Variants in NDUFV2 observed in about 807,000 individuals in gnomAD.
The protein encoded by NDUFV2 is NADH:ubiquinone oxidoreductase core subunit V2.
NDUFV2 carries 18 observed loss-of-function variants against 31.6 expected under a neutral mutation model. That is an observed-to-expected ratio of 0.57 (90% CI 0.39 to 0.84). NDUFV2 has a LOEUF of 0.84. Ranked by LOEUF, NDUFV2 falls within the 40% of genes least tolerant of loss-of-function variation. The probability of loss-of-function intolerance (pLI) is 0.00; values close to 1 mark genes in which losing one functional copy is unlikely to be tolerated. For synonymous variants in NDUFV2, 83 were observed against 99.8 expected (o/e 0.83, Z 1.01); for missense variants, 314 against 303.6 (o/e 1.03, Z -0.26).
intron 1 of NDUFV2, among the ~76,000 whole-genome samples, chr18:9,116,503 C>G (rs1369951989): frequency 6.6e-6 from 1 of 152,112 alleles, no homozygotes; most frequent in African/African-American, 2.4e-5. Flanking sequence ...GTTAATTTTT[C>G]AAAACAAAAC....
intron 1 of NDUFV2, among the ~76,000 whole-genome samples, chr18:9,105,572 G>A (rs539816982): frequency 1.2e-4 from 18 of 152,296 alleles, no homozygotes; most frequent in African/African-American, 4.1e-4. Context: ...AGCTGCTATT[G>A]TAGTTTCGAA....
At chr18:9,128,032 C>T (rs2143083196) in intron 7 of NDUFV2, among the ~76,000 whole-genome samples, 1 of 152,194 alleles carries the variant, frequency 6.6e-6, no homozygotes, top group Non-Finnish European at 1.5e-5. Context: ...TTAAACAAAC[C>T]CTTATTCCAT....
Position 9,126,809 on chromosome 18 carries a change from CTA to C in NDUFV2, c.580-20_580-19del, listed in dbSNP as rs2077994707. Reference sequence around the variant, plus strand: ...ATAAAAGAAAGTAATTTAAATATGACTATTGTTAATTTTTTTTCCAGGAGGAT... The same window carrying C: ...ATAAAAGAAAGTAATTTAAATATGACTTGTTAATTTTTTTTCCAGGAGGAT... On this transcript the variant is annotated intron_variant, in intron 6 of 7. Transcript: ENST00000318388. The C allele has an allele frequency of 3.8e-6, 6 of 1,568,402 alleles. No homozygotes were observed. Among genetic ancestry groups the C allele is most frequent in the Non-Finnish European group, 5.3e-6 (6 of 1,138,710 alleles).
At chr18:9,121,329 G>T (rs1238264361) in intron 4 of NDUFV2, 6 of 152,042 alleles carry the variant, frequency 3.9e-5, no homozygotes, top group Admixed American at 2.0e-4. Flanking sequence ...CAGAATTCCA[G>T]GAAGGAGTCT....
chr18:9,121,215 A>T (rs946876413), intron 4 of NDUFV2: 3 of 152,180 alleles, frequency 2.0e-5, no homozygotes, highest in Non-Finnish European at 4.4e-5. Flanking sequence ...TTTTAATGTT[A>T]CTGCCCCTCC....
intron 1 of NDUFV2, among the ~76,000 whole-genome samples, chr18:9,116,587 T>C (rs1305199124): frequency 2.0e-5 from 3 of 152,228 alleles, no homozygotes; most frequent in East Asian, 1.9e-4. Flanking sequence ...GAAATTGATA[T>C]TTATCACTCC....
At chr18:9,102,866 T>C in intron 1 of NDUFV2, 69 bp downstream of exon 1, 1 of 1,497,312 alleles carries the variant, frequency 6.7e-7, no homozygotes, top group Non-Finnish European at 9.0e-7. Flanking sequence ...TCCCTTAGTT[T>C]TGGGCGCAGG....
At chr18:9,129,449 T>A (rs942246490) in intron 7 of NDUFV2, among the ~76,000 whole-genome samples, 2 of 152,224 alleles carry the variant, frequency 1.3e-5, no homozygotes, top group Admixed American at 6.5e-5. Flanking sequence ...AGGTTATGAA[T>A]ACAATTATGA....
intron 4 of NDUFV2, among the ~76,000 whole-genome samples, chr18:9,122,135 A>T (rs984538101): frequency 6.6e-6 from 1 of 152,176 alleles, no homozygotes; most frequent in Non-Finnish European, 1.5e-5. Context: ...GGGTTTGGCC[A>T]TCAATTTTTT....
Position 9,103,269 on chromosome 18 carries a change from A to G in NDUFV2, c.54+472A>G, listed in dbSNP as rs55672869. On this transcript the variant is annotated intron_variant, in intron 1 of 7. Transcript: ENST00000318388. Reference sequence around the variant, plus strand: ...CATTAGGGCTGGAAAAGGGTGGCCAATGTTTGATTTACTGCAGTTGTGCTT... The same window carrying G: ...CATTAGGGCTGGAAAAGGGTGGCCAGTGTTTGATTTACTGCAGTTGTGCTT... 713 of 397,438 alleles carry G rather than the reference A, an allele frequency of 1.8e-3. 1 individual carries two copies. The highest frequency in any genetic ancestry group is 3.2e-3 in the Middle Eastern group (5 of 1,586). The allele number at this position is 397,438 out of a possible 1,614,324, so 24.6% of individuals were successfully genotyped here. A position where few individuals can be genotyped will look rare whatever the true frequency, so the allele number is the denominator to read the frequency against.
intron 1 of NDUFV2, among the ~76,000 whole-genome samples, chr18:9,106,505 T>C (rs549161334): frequency 1.1e-4 from 16 of 152,352 alleles, no homozygotes; most frequent in African/African-American, 3.8e-4. Context: ...TTCCAAATTT[T>C]AAGTTTTGTA....
intron 6 of NDUFV2, 157 bp downstream of exon 6, chr18:9,125,140 T>C: frequency 1.2e-6 from 1 of 809,322 alleles, no homozygotes; most frequent in Non-Finnish European, 1.9e-6. Flanking sequence ...TCTTTAAACA[T>C]TTTTGCATTT....
intron 7 of NDUFV2, among the ~76,000 whole-genome samples, chr18:9,130,107 C>T (rs911382802): frequency 9.9e-5 from 15 of 152,078 alleles, no homozygotes; most frequent in African/African-American, 2.7e-4. Context: ...TAGGTAGATA[C>T]GAACCTGGAA....
At position 9,122,592 on chromosome 18, in the gene NDUFV2, T is replaced by C. The variant is rs755479137; in HGVS notation, c.380T>C (p.Val127Ala). The change falls in exon 5 of 8, where the codon GTT becomes GCT. Residue 127 changes from valine to alanine, a missense_variant. Physicochemically the swap from Val to Ala is moderately conservative, Grantham distance 64 (BLOSUM62 0). Transcript: ENST00000318388. Reference sequence around the variant, plus strand: ...TATACAATGTATAATCGAAAGCCAGTTGGAAAGTATCACATTCAGGTCTGC... The same window carrying C: ...TATACAATGTATAATCGAAAGCCAGCTGGAAAGTATCACATTCAGGTCTGC... ...TFYTMYNRKPVGKYHIQVCTT... is the reference protein window; with the variant it reads ...TFYTMYNRKPAGKYHIQVCTT... 1.2e-5 allele frequency: 20 copies of C among 1,613,934 alleles called. No homozygotes were observed. Among genetic ancestry groups the C allele is most frequent in the Middle Eastern group, 1.6e-4 (1 of 6,080 alleles).
intron 4 of NDUFV2, among the ~76,000 whole-genome samples, chr18:9,120,867 AT>A (rs2077930250): frequency 6.6e-6 from 1 of 152,144 alleles, no homozygotes; most frequent in Non-Finnish European, 1.5e-5. Context: ...AAAAAATCAT[AT>A]TTTTAGTAAT....
At chr18:9,124,617 T>C (rs1487871660) in intron 5 of NDUFV2, among the ~76,000 whole-genome samples, 2 of 151,560 alleles carry the variant, frequency 1.3e-5, no homozygotes, top group Non-Finnish European at 2.9e-5. Flanking sequence ...CCTGGCTAAT[T>C]TTTTGTATTT....
At chr18:9,116,789 A>G (rs756692701) in intron 1 of NDUFV2, among the ~76,000 whole-genome samples, 1 of 151,766 alleles carries the variant, frequency 6.6e-6, no homozygotes, top group Non-Finnish European at 1.5e-5. Flanking sequence ...GAATTGTCCA[A>G]CTCTTTGCTA....
chr18:9,105,085 TTG>T, intron 1 of NDUFV2: 5 of 1,196,864 alleles, frequency 4.2e-6, no homozygotes, highest in Non-Finnish European at 4.4e-6. Context: ...TAGCATTCCA[TTG>T]TGAGGATGTT....
chr18:9,133,310 T>C (rs1001744449), intron 7 of NDUFV2: 5 of 152,300 alleles, frequency 3.3e-5, no homozygotes, highest in African/African-American at 9.7e-5. Flanking sequence ...AGCCAGGGAA[T>C]AGTGGTGGAG....
Sources: gnomAD v4.1 joint callset for allele counts (sites outside exome capture counted in the v4.1 genomes callset) on GRCh38, gnomAD v4.1.1 for gene constraint, MANE v1.5 for transcripts, NCBI Gene and HGNC (gene_info 2026-07-23, HGNC 2026-07-21) for gene names.